The following ACYP2 variants were observed in gnomAD, a reference collection of about 807,000 sequenced individuals.
The protein encoded by ACYP2 is acylphosphatase 2.
Under a neutral mutation model 11.2 loss-of-function variants are expected in ACYP2, and 12 were observed. The observed-to-expected ratio is 1.08, with a 90% CI of 0.69 to 1.74. ACYP2 has a LOEUF of 1.74. Among genes scored for constraint, ACYP2 ranks in the 40% most tolerant of loss-of-function variants. The pLI, the probability that ACYP2 is intolerant of heterozygous loss-of-function variation, is 0.00. For synonymous variants in ACYP2, 43 were observed against 32.2 expected (o/e 1.33, Z -1.13); for missense variants, 134 against 101.9 (o/e 1.31, Z -1.35).
At chr2:53,986,684 G>A (rs1672055850) in intron 2 of ACYP2, among the ~76,000 whole-genome samples, 2 of 149,404 alleles carry the variant, frequency 1.3e-5, no homozygotes, top group African/African-American at 5.0e-5. Flanking sequence ...GAGTGCAGTG[G>A]TGTGATCTTG....
At chr2:54,278,416 T>C (rs1029487793) in intron 6 of ACYP2, among the ~76,000 whole-genome samples, 3 of 152,228 alleles carry the variant, frequency 2.0e-5, no homozygotes, top group African/African-American at 7.2e-5. Flanking sequence ...AAGAATAAAT[T>C]GGTGGTTGGA....
chr2:54,026,277 C>CT (rs1674282604), intron 2 of ACYP2, among the ~76,000 whole-genome samples: 1 of 152,050 alleles, frequency 6.6e-6, no homozygotes, highest in Non-Finnish European at 1.5e-5. Context: ...ATAGACAGTT[C>CT]TCAAAAGAAG....
chr2:54,274,993 G>T (rs1688485191), intron 6 of ACYP2, among the ~76,000 whole-genome samples: 1 of 152,154 alleles, frequency 6.6e-6, no homozygotes, highest in Admixed American at 6.5e-5. Context: ...TTCAACCTGA[G>T]ATGGTCCTGA....
At position 54,199,989 on chromosome 2, in the gene ACYP2, G is replaced by A. The variant is rs574197966; in HGVS notation, c.404+61241G>A. The stretch of plus-strand genomic sequence containing the variant: ...TTGAATTTAAACACAGTTTTGTATT[G>A]AAACCTAGTTAACAAATATTCCTTT... On this transcript the variant is annotated intron_variant, in intron 6 of 6. Transcript: ENST00000607452. 2.2e-4 allele frequency among the ~76,000 whole-genome samples: 34 copies of A among 152,314 alleles called. No homozygotes were observed. The East Asian group carries it at 6.4e-3, about 29-fold the overall frequency.
At chr2:54,249,470 G>A (rs1687111934) in intron 6 of ACYP2, among the ~76,000 whole-genome samples, 1 of 151,470 alleles carries the variant, frequency 6.6e-6, no homozygotes, top group African/African-American at 2.4e-5. Context: ...TTTCAAAGGT[G>A]ATGGCTCTAG....
chr2:54,113,631 T>C (rs1021938824), intron 4 of ACYP2, among the ~76,000 whole-genome samples: 9 of 152,004 alleles, frequency 5.9e-5, no homozygotes, highest in African/African-American at 2.2e-4. Context: ...ACTGTACTAG[T>C]GGGGAAGGCA....
chr2:53,987,333 A>G (rs1672084208), intron 2 of ACYP2, among the ~76,000 whole-genome samples: 1 of 151,654 alleles, frequency 6.6e-6, no homozygotes. Context: ...GATGTGGATT[A>G]TGCTTTTATG....
chr2:54,095,434 G>A (rs1410364329), intron 4 of ACYP2, among the ~76,000 whole-genome samples: 2 of 152,164 alleles, frequency 1.3e-5, no homozygotes, highest in Admixed American at 6.5e-5. Flanking sequence ...CCGGGCAGAG[G>A]GGCTCCTCAC....
chr2:54,191,445 G>A (rs768906404), intron 6 of ACYP2, among the ~76,000 whole-genome samples: 6 of 152,168 alleles, frequency 3.9e-5, no homozygotes, highest in Admixed American at 6.5e-5. Context: ...AGTGGTAGTG[G>A]TTAAGAGCAA....
At chr2:54,046,499 A>G (rs1675532767) in intron 2 of ACYP2, among the ~76,000 whole-genome samples, 1 of 152,072 alleles carries the variant, frequency 6.6e-6, no homozygotes, top group Non-Finnish European at 1.5e-5. Context: ...AAAAAAAAAA[A>G]AAAGGTTGCT....
At chr2:54,149,300 C>A (rs993810848) in intron 6 of ACYP2, among the ~76,000 whole-genome samples, 3 of 152,162 alleles carry the variant, frequency 2.0e-5, no homozygotes, top group Admixed American at 2.0e-4. Flanking sequence ...TTATAGCAGC[C>A]CTGCTCTGTC....
At chr2:54,264,147 G>T (rs927246357) in intron 6 of ACYP2, among the ~76,000 whole-genome samples, 1 of 152,152 alleles carries the variant, frequency 6.6e-6, no homozygotes, top group Non-Finnish European at 1.5e-5. Flanking sequence ...GAAGGGTCCG[G>T]AGTTTCTTCC....
intron 6 of ACYP2, among the ~76,000 whole-genome samples, chr2:54,287,054 G>A (rs1689108325): frequency 6.6e-6 from 1 of 151,980 alleles, no homozygotes; most frequent in African/African-American, 2.4e-5. Flanking sequence ...CTAAAGGTGA[G>A]TGCATTTGTG....
chr2:53,977,238 G>A (rs573568133), intron 2 of ACYP2, among the ~76,000 whole-genome samples: 4 of 152,024 alleles, frequency 2.6e-5, no homozygotes, highest in Admixed American at 1.3e-4. Flanking sequence ...TAGTAGAGAC[G>A]GGGTTTCACA....
At chr2:54,014,880 C>T (rs1321927876) in intron 2 of ACYP2, among the ~76,000 whole-genome samples, 3 of 152,144 alleles carry the variant, frequency 2.0e-5, no homozygotes, top group African/African-American at 4.8e-5. Context: ...CCACCTCAGC[C>T]TCTCAAAGTG....
intron 4 of ACYP2, among the ~76,000 whole-genome samples, chr2:54,072,505 C>T (rs150731298): frequency 2.9e-4 from 23 of 78,488 alleles, no homozygotes; most frequent in Middle Eastern, 6.3e-3. Context: ...CTTTCTCTCT[C>T]TCTCTCTTTC....
intron 2 of ACYP2, among the ~76,000 whole-genome samples, chr2:53,978,652 G>A (rs189617004): frequency 2.7e-4 from 41 of 152,330 alleles, no homozygotes; most frequent in African/African-American, 7.5e-4. Context: ...TTGAGAGACC[G>A]AGGTGGGCAG....
chr2:54,061,593 A>C (rs1037652112), intron 4 of ACYP2, among the ~76,000 whole-genome samples: 1 of 152,186 alleles, frequency 6.6e-6, no homozygotes, highest in Non-Finnish European at 1.5e-5. Flanking sequence ...CTTTAGCATA[A>C]AAGGGTTTTA....
At chr2:54,006,769 G>T (rs1325505136) in intron 2 of ACYP2, among the ~76,000 whole-genome samples, 1 of 152,032 alleles carries the variant, frequency 6.6e-6, no homozygotes, top group Non-Finnish European at 1.5e-5. Context: ...AGAAACAATT[G>T]GGGAAGCCAC....
Sources: gnomAD v4.1 joint callset for allele counts (sites outside exome capture counted in the v4.1 genomes callset) on GRCh38, gnomAD v4.1.1 for gene constraint, MANE v1.5 for transcripts, NCBI Gene and HGNC (gene_info 2026-07-23, HGNC 2026-07-21) for gene names.